The following MAGI2 variants were observed in gnomAD, a reference collection of about 807,000 sequenced individuals.
MAGI2 encodes the protein membrane associated guanylate kinase, WW and PDZ domain containing 2, also known as membrane-associated guanylate kinase, WW and PDZ domain-containing protein 2.
A neutral mutation model predicts 133.3 loss-of-function variants in MAGI2; 35 were observed. That is an observed-to-expected ratio of 0.26 (90% CI 0.20 to 0.35). The LOEUF is 0.35. Ranked by LOEUF, MAGI2 falls within the 10% of genes least tolerant of loss-of-function variation. The pLI, the probability that MAGI2 is intolerant of heterozygous loss-of-function variation, is 1.00. For missense variants in MAGI2, 1,636 were observed against 1,863.4 expected (o/e 0.88, Z 2.25); for synonymous variants, 729 against 710.6 (o/e 1.03, Z -0.41).
chr7:78,146,673 T>C (rs148041828), intron 16 of MAGI2, among the ~76,000 whole-genome samples: 1 of 152,324 alleles, frequency 6.6e-6, no homozygotes, highest in East Asian at 1.9e-4. Flanking sequence ...TTGACTACCT[T>C]TGAAGCACTT....
chr7:78,297,592 A>T lies in MAGI2; in HGVS notation c.1409-41011T>A, dbSNP rs530623020. ...TTGGAACCAACCCAAATGTCCAACA[A>T]TGATAGACTGGATTAAGAAAATGTG... On this transcript the variant is annotated intron_variant, in intron 9 of 21. Coordinates refer to ENST00000354212, the MANE Select transcript of MAGI2 (RefSeq NM_012301.4). Among the ~76,000 whole-genome samples, 15 of 150,960 alleles carry T rather than the reference A, an allele frequency of 9.9e-5. No individual in the cohort carries two copies. In the South Asian group the frequency reaches 3.1e-3, roughly 32 times the overall value.
chr7:79,228,558 C>G (rs915877665), intron 1 of MAGI2, among the ~76,000 whole-genome samples: 6 of 151,904 alleles, frequency 3.9e-5, no homozygotes, highest in Non-Finnish European at 8.8e-5. Context: ...AAATGTTCTC[C>G]TAGCCCAGTT....
At chr7:78,977,536 C>T (rs1804399770) in intron 2 of MAGI2, among the ~76,000 whole-genome samples, 1 of 146,080 alleles carries the variant, frequency 6.8e-6, no homozygotes, top group Admixed American at 6.8e-5. Flanking sequence ...AGAGCAAAGA[C>T]CTTACAATTT....
intron 15 of MAGI2, among the ~76,000 whole-genome samples, chr7:78,167,176 A>G (rs1333391952): frequency 6.6e-6 from 1 of 152,158 alleles, no homozygotes; most frequent in Non-Finnish European, 1.5e-5. Context: ...TACAATCCCA[A>G]TGTTATTGAA....
At chr7:79,407,535 A>G (rs570275621) in intron 1 of MAGI2, among the ~76,000 whole-genome samples, 1 of 152,252 alleles carries the variant, frequency 6.6e-6, no homozygotes, top group Admixed American at 6.5e-5. Context: ...ACTGTTGTGA[A>G]TGTAGGCAAG....
At chr7:79,387,655 T>C (rs1285863774) in intron 1 of MAGI2, among the ~76,000 whole-genome samples, 2 of 152,070 alleles carry the variant, frequency 1.3e-5, no homozygotes, top group African/African-American at 2.4e-5. Flanking sequence ...AACTGTTGGC[T>C]TTCAATAATT....
chr7:78,930,520 C>T (rs1314241186), intron 2 of MAGI2, among the ~76,000 whole-genome samples: 1 of 152,066 alleles, frequency 6.6e-6, no homozygotes, highest in Non-Finnish European at 1.5e-5. Context: ...TTAATCTTGC[C>T]TCTCTTTTCA....
intron 11 of MAGI2, among the ~76,000 whole-genome samples, chr7:78,198,042 C>T (rs1828889782): frequency 6.6e-6 from 1 of 152,180 alleles, no homozygotes; most frequent in African/African-American, 2.4e-5. Flanking sequence ...CTTCATGAAC[C>T]CCCTGGATTC....
At chr7:79,217,700 T>C (rs1423555589) in intron 1 of MAGI2, among the ~76,000 whole-genome samples, 1 of 152,050 alleles carries the variant, frequency 6.6e-6, no homozygotes, top group Non-Finnish European at 1.5e-5. Flanking sequence ...GGCTTTATTT[T>C]AACCAGCTAT....
At chr7:79,145,884 G>A (rs1185497763) in intron 1 of MAGI2, among the ~76,000 whole-genome samples, 1 of 152,288 alleles carries the variant, frequency 6.6e-6, no homozygotes, top group African/African-American at 2.4e-5. Context: ...CCAAAATCAT[G>A]CTCATGCAGA....
At chr7:78,855,629 C>A (rs1793567843) in intron 2 of MAGI2, among the ~76,000 whole-genome samples, 1 of 152,156 alleles carries the variant, frequency 6.6e-6, no homozygotes, top group Non-Finnish European at 1.5e-5. Flanking sequence ...GTATATGTGC[C>A]ACATTTTCTT....
At chr7:78,600,167 C>T (rs1463573681) in intron 3 of MAGI2, among the ~76,000 whole-genome samples, 2 of 151,996 alleles carry the variant, frequency 1.3e-5, no homozygotes, top group Non-Finnish European at 2.9e-5. Flanking sequence ...TACCTAAATA[C>T]ATAAAGAATT....
chr7:78,898,394 G>C (rs1642907), intron 2 of MAGI2, among the ~76,000 whole-genome samples: 57,981 of 151,862 alleles, frequency 0.38, 12,469 homozygotes, highest in South Asian at 0.58. Flanking sequence ...TAAAGACATG[G>C]AATCAACCTA....
intron 1 of MAGI2, among the ~76,000 whole-genome samples, chr7:79,322,242 T>A (rs1839236899): frequency 6.6e-6 from 1 of 152,146 alleles, no homozygotes; most frequent in Admixed American, 6.6e-5. Flanking sequence ...ACAGAGAGAT[T>A]ACAAGAATCA....
At chr7:78,216,598 AC>A (rs1339758506) in intron 10 of MAGI2, among the ~76,000 whole-genome samples, 1 of 151,930 alleles carries the variant, frequency 6.6e-6, no homozygotes, top group African/African-American at 2.4e-5. Context: ...TCTCCCTCTT[AC>A]CACAAGGTCA....
intron 7 of MAGI2, among the ~76,000 whole-genome samples, chr7:78,366,952 G>A (rs938533685): frequency 3.3e-5 from 5 of 151,966 alleles, no homozygotes; most frequent in African/African-American, 1.2e-4. Flanking sequence ...ACAACCTCCC[G>A]ATCACTTAAA....
At chr7:78,260,372 ACTGGCT>A (rs1478879077) in intron 9 of MAGI2, among the ~76,000 whole-genome samples, 2 of 152,170 alleles carry the variant, frequency 1.3e-5, no homozygotes, top group African/African-American at 4.8e-5. Flanking sequence ...CATCAGGAAG[ACTGGCT>A]CTGGCTCTAA....
At chr7:79,115,532 C>T (rs1819315462) in intron 1 of MAGI2, among the ~76,000 whole-genome samples, 1 of 152,072 alleles carries the variant, frequency 6.6e-6, no homozygotes, top group South Asian at 2.1e-4. Context: ...AAAATCTGCT[C>T]CTATCTGGTG....
intron 1 of MAGI2, among the ~76,000 whole-genome samples, chr7:79,191,558 C>T (rs1002596800): frequency 4.6e-5 from 7 of 150,834 alleles, no homozygotes; most frequent in Non-Finnish European, 7.4e-5. Context: ...GTTGGAACTA[C>T]GGGCATGAGC....
Sources: gnomAD v4.1 joint callset for allele counts (sites outside exome capture counted in the v4.1 genomes callset) on GRCh38, gnomAD v4.1.1 for gene constraint, MANE v1.5 for transcripts, NCBI Gene and HGNC (gene_info 2026-07-23, HGNC 2026-07-21) for gene names.